The following MFHAS1 variants were observed in gnomAD, a reference collection of about 807,000 sequenced individuals.
MFHAS1 encodes malignant fibrous histiocytoma-amplified sequence 1.
Under a neutral mutation model 70.4 loss-of-function variants are expected in MFHAS1, and 50 were observed. The ratio of observed to expected loss-of-function variants is 0.71; its 90% CI spans 0.57 to 0.90. The LOEUF (loss-of-function observed/expected upper bound fraction) is 0.90, where lower values mean the gene tolerates loss of function less well. Ranked by LOEUF, MFHAS1 falls within the 40% of genes least tolerant of loss-of-function variation. MFHAS1 has a pLI of 0.00. For synonymous variants in MFHAS1, 952 were observed against 620.0 expected (o/e 1.54, Z -7.96); for missense variants, 1,795 against 1,347.6 (o/e 1.33, Z -5.20).
chr8:8,884,991 C>A (rs1054705112), intron 1 of MFHAS1, among the ~76,000 whole-genome samples: 1 of 151,936 alleles, frequency 6.6e-6, no homozygotes, highest in African/African-American at 2.4e-5. Flanking sequence ...ACAAAAAGAC[C>A]AAACTATCAT....
chr8:8,860,452 G>T (rs1326988841), intron 1 of MFHAS1, among the ~76,000 whole-genome samples: 2 of 152,186 alleles, frequency 1.3e-5, no homozygotes, highest in African/African-American at 4.8e-5. Context: ...TTTCCATTTT[G>T]CTGGCATGCA....
intron 1 of MFHAS1, among the ~76,000 whole-genome samples, chr8:8,839,736 T>A (rs1030506585): frequency 1.3e-5 from 2 of 152,218 alleles, no homozygotes; most frequent in African/African-American, 4.8e-5. Flanking sequence ...ATTACATATA[T>A]CAATGAAACA....
At chr8:8,831,648 CGGT>C (rs1321089411) in intron 1 of MFHAS1, among the ~76,000 whole-genome samples, 8 of 149,988 alleles carry the variant, frequency 5.3e-5, no homozygotes, top group African/African-American at 2.0e-4. Context: ...CAGTCTCACT[CGGT>C]CGCCCAGGCT....
chr8:8,852,276 C>T (rs1024609839), intron 1 of MFHAS1, among the ~76,000 whole-genome samples: 1 of 152,136 alleles, frequency 6.6e-6, no homozygotes, highest in African/African-American at 2.4e-5. Context: ...GAATTCGAGA[C>T]CAGCCTGTGC....
At position 8,892,665 on chromosome 8, in the gene MFHAS1, T is replaced by A. The variant is rs779965133; in HGVS notation, c.394A>T (p.Ser132Cys). ...RLTALGAEVV[S>C]ALRELRKLNL... ...AGCTTCCGCAGCTCCCTCAGAGCAC[T>A]CACCACCTCCGCGCCCAGGGCGGTC... The change falls in exon 1 of 3, where the codon AGT (serine) becomes TGT (cysteine). Residue 132 changes from serine (S) to cysteine (C), a missense_variant. Coordinates refer to ENST00000276282, the MANE Select transcript of MFHAS1 (RefSeq NM_004225.3). The surrounding 1 kb of genome is among the most constrained non-coding windows in gnomAD (Gnocchi z 4.7). 2 of 1,579,490 alleles carry A rather than the reference T, an allele frequency of 1.3e-6. No homozygotes were observed. The highest frequency in any genetic ancestry group is 3.6e-5 in the Admixed American group (2 of 55,746).
intron 1 of MFHAS1, among the ~76,000 whole-genome samples, chr8:8,806,743 T>C (rs1198399060): frequency 1.3e-5 from 2 of 152,108 alleles, no homozygotes; most frequent in Non-Finnish European, 2.9e-5. Context: ...GGCAGATCAC[T>C]TGAGGTCAGG....
chr8:8,819,130 T>C (rs1806852688), intron 1 of MFHAS1, among the ~76,000 whole-genome samples: 1 of 152,164 alleles, frequency 6.6e-6, no homozygotes, highest in African/African-American at 2.4e-5. Context: ...CAAACAGCTC[T>C]CTATATATCA....
chr8:8,827,552 C>T (rs113826269), intron 1 of MFHAS1, among the ~76,000 whole-genome samples: 19 of 152,338 alleles, frequency 1.2e-4, no homozygotes, highest in African/African-American at 4.1e-4. Flanking sequence ...TAGCAATGAA[C>T]ATTGGTTTAA....
chr8:8,823,822 A>T (rs1807054915), intron 1 of MFHAS1, among the ~76,000 whole-genome samples: 2 of 142,838 alleles, frequency 1.4e-5, no homozygotes, highest in South Asian at 5.5e-4. Flanking sequence ...GAGAAAAGAA[A>T]GAATCTCGCC....
Position 8,892,897 on chromosome 8 carries a change from G to A in MFHAS1, c.162C>T (p.Pro54=), listed in dbSNP as rs759785690. The change falls in exon 1 of 3, where the codon CCC becomes CCT. Residue 54 remains proline (P), a synonymous_variant. Transcript: ENST00000276282. This position sits in a 1 kb window ranked among gnomAD's most constrained non-coding sequence, Gnocchi z 4.7. The stretch of plus-strand genomic sequence containing the variant: ...CGAGGTTGGCCGGCAGCACGAGCTG[G>A]GGGGAGGCGGGGGACTCGAGCGCGT... ...GADALESPAS[P]QLVLPANLGD... is the part of the protein sequence containing the mutation. 3 of 1,572,826 alleles carry A rather than the reference G, an allele frequency of 1.9e-6. No individual in the cohort carries two copies.
intron 2 of MFHAS1, among the ~76,000 whole-genome samples, chr8:8,789,058 G>A (rs1805642475): frequency 6.6e-6 from 1 of 152,052 alleles, no homozygotes; most frequent in Non-Finnish European, 1.5e-5. Context: ...TCGGTTTGAA[G>A]GACAAAAAGA....
At chr8:8,792,536 G>A (rs1190588716) in intron 2 of MFHAS1, among the ~76,000 whole-genome samples, 1 of 152,104 alleles carries the variant, frequency 6.6e-6, no homozygotes, top group African/African-American at 2.4e-5. Context: ...AACCCAGGAG[G>A]CGGAGGTTGT....
At chr8:8,811,434 C>T (rs560201084) in intron 1 of MFHAS1, among the ~76,000 whole-genome samples, 2 of 152,076 alleles carry the variant, frequency 1.3e-5, no homozygotes, top group East Asian at 1.9e-4. Context: ...CACCATCATA[C>T]CTCATTTTTT....
At chr8:8,859,252 G>A (rs755142387) in intron 1 of MFHAS1, among the ~76,000 whole-genome samples, 2 of 152,190 alleles carry the variant, frequency 1.3e-5, no homozygotes, top group African/African-American at 2.4e-5. Flanking sequence ...GCTGAGGCAG[G>A]AGAATCACTT....
chr8:8,796,696 A>AAAAAAAAAAGGC (rs1156579459), intron 2 of MFHAS1, among the ~76,000 whole-genome samples: 4,891 of 97,430 alleles, frequency 0.05, 1,286 homozygotes, highest in Non-Finnish European at 0.087. Context: ...AACAAAAAAA[A>AAAAAAAAAAGGC]AAAAAAAGGC....
At chr8:8,806,197 C>G (rs1456662914) in intron 1 of MFHAS1, among the ~76,000 whole-genome samples, 3 of 152,304 alleles carry the variant, frequency 2.0e-5, no homozygotes, top group Admixed American at 6.5e-5. Flanking sequence ...GGACGCCCAC[C>G]TGCTGCAAAA....
intron 1 of MFHAS1, among the ~76,000 whole-genome samples, chr8:8,852,656 G>T (rs1808291087): frequency 6.6e-6 from 1 of 152,124 alleles, no homozygotes; most frequent in South Asian, 2.1e-4. Context: ...TGACTTCCAT[G>T]GCCATTTGCC....
At chr8:8,825,102 G>C (rs1356295687) in intron 1 of MFHAS1, among the ~76,000 whole-genome samples, 1 of 152,246 alleles carries the variant, frequency 6.6e-6, no homozygotes, top group Non-Finnish European at 1.5e-5. Context: ...TAAAGGGACA[G>C]AAGACTGCAT....
intron 1 of MFHAS1, among the ~76,000 whole-genome samples, chr8:8,803,111 C>T (rs1210760359): frequency 6.6e-6 from 1 of 152,128 alleles, no homozygotes; most frequent in South Asian, 2.1e-4. Flanking sequence ...TTGCATTCTT[C>T]CTGTGAACAA....
Sources: gnomAD v4.1 joint callset for allele counts (sites outside exome capture counted in the v4.1 genomes callset) on GRCh38, gnomAD v4.1.1 for gene constraint, Gnocchi (gnomAD v3.1) non-coding constraint, MANE v1.5 for transcripts, NCBI Gene and HGNC (gene_info 2026-07-23, HGNC 2026-07-21) for gene names.